SLC44A5: variants seen among roughly 807,000 people sequenced by gnomAD.
The protein encoded by SLC44A5 is solute carrier family 44 member 5.
SLC44A5 carries 57 observed loss-of-function variants against 101.8 expected under a neutral mutation model. The observed-to-expected ratio is 0.56, with a 90% CI of 0.45 to 0.70. SLC44A5 has a LOEUF of 0.70. Ranked by LOEUF, SLC44A5 falls within the 30% of genes least tolerant of loss-of-function variation. The pLI is 0.00. For missense variants in SLC44A5, 737 were observed against 853.1 expected, an observed-to-expected ratio of 0.86 and a Z score of 1.70; for synonymous variants, 281 against 290.9, an observed-to-expected ratio of 0.97 and a Z score of 0.35.
At chr1:75,252,737 A>G (rs1057341545) in intron 6 of SLC44A5, among the ~76,000 whole-genome samples, 1 of 152,188 alleles carries the variant, frequency 6.6e-6, no homozygotes, top group Non-Finnish European at 1.5e-5. Flanking sequence ...TGAGACCCAA[A>G]GAGACCACAA....
At chr1:75,564,154 A>G (rs1283703460) in intron 1 of SLC44A5, among the ~76,000 whole-genome samples, 1 of 152,184 alleles carries the variant, frequency 6.6e-6, no homozygotes, top group Non-Finnish European at 1.5e-5. Flanking sequence ...TATGCTGATC[A>G]ATATCAAATG....
intron 1 of SLC44A5, among the ~76,000 whole-genome samples, chr1:75,585,629 A>C (rs1673948260): frequency 6.6e-6 from 1 of 152,214 alleles, no homozygotes; most frequent in Non-Finnish European, 1.5e-5. Flanking sequence ...TGTGAGGATT[A>C]AATGAGACAA....
At chr1:75,569,238 C>CTTTTT (rs566440021) in intron 1 of SLC44A5, among the ~76,000 whole-genome samples, 4 of 112,880 alleles carry the variant, frequency 3.5e-5, no homozygotes, top group East Asian at 2.2e-4. Context: ...TCATCTCTAC[C>CTTTTT]TTTTTTTTTT....
At chr1:75,258,531 GGACTTACA>G (rs1220387607) in intron 6 of SLC44A5, among the ~76,000 whole-genome samples, 2 of 152,120 alleles carry the variant, frequency 1.3e-5, no homozygotes, top group East Asian at 3.9e-4. Flanking sequence ...CCCCAGTCAG[GGACTTACA>G]GATAAAACCC....
chr1:75,203,811 A>C lies in SLC44A5; in HGVS notation c.2070T>G (p.Asp690Glu). The change falls in exon 24 of 24, where the codon GAT (aspartate) becomes GAG (glutamate). Residue 690 changes from aspartate to glutamate, a missense_variant. Around this residue, in one of 3 missense-constraint regions of SLC44A5, gnomAD observed 61 missense variants for 56.5 expected, o/e 1.08. Transcript: ENST00000370859. ...CATAATAAGGTCTTGCAGTAGAACC[A>C]TCATTTCTTTCTAAATCTTCCACTA... Reference protein sequence around the residue: ...ICFLEDLERNDGSTARPYYVS... With the variant: ...ICFLEDLERNEGSTARPYYVS... 5 of 1,549,098 alleles carry C rather than the reference A, an allele frequency of 3.2e-6. No individual in the cohort carries two copies. The highest frequency in any genetic ancestry group is 1.4e-5 in the African/African-American group (1 of 73,042).
chr1:75,421,092 A>G (rs1253558088), intron 2 of SLC44A5, among the ~76,000 whole-genome samples: 1 of 152,164 alleles, frequency 6.6e-6, no homozygotes, highest in African/African-American at 2.4e-5. Flanking sequence ...CAAATATATT[A>G]TAATATGGTC....
chr1:75,673,717 CAGAG>C, the SLC44A5 span, among the ~76,000 whole-genome samples: 1 of 152,044 alleles, frequency 6.6e-6, no homozygotes, highest in Non-Finnish European at 1.5e-5. Context: ...GAGCTCAGAA[CAGAG>C]AGACTCTGCT....
rs183702745 is a variant in SLC44A5 at position 75,475,047 on chromosome 1, C to T, written c.13+66388G>A. On this transcript the variant is annotated intron_variant, in intron 2 of 23. Coordinates refer to ENST00000370859, the MANE Select transcript of SLC44A5 (RefSeq NM_001130058.2). ...CGCCCCTGAGTTATTCACACATCAG[C>T]AGGAAGTGAAATGAGGAGCCTGAAT... 3.6e-4 allele frequency among the ~76,000 whole-genome samples: 55 copies of T among 152,322 alleles called. 1 individual carries two copies. The highest frequency in any genetic ancestry group is 1.3e-3 in the African/African-American group (55 of 41,566).
intron 1 of SLC44A5, among the ~76,000 whole-genome samples, chr1:75,578,889 T>C (rs1673524535): frequency 6.6e-6 from 1 of 152,184 alleles, no homozygotes. Flanking sequence ...ACACTGAAAA[T>C]ACATACAATT....
chr1:75,218,660 G>A lies in SLC44A5; in HGVS notation c.1359C>T (p.Ile453=). The A allele has an allele frequency of 6.2e-7, 1 of 1,613,790 alleles. No individual in the cohort carries two copies. The highest frequency in any genetic ancestry group is 8.5e-7 in the Non-Finnish European group (1 of 1,179,766). ...ATAAGTTGTATACATGGAAGGTAGG[G>A]ATGTACTGATGGTACAAGCTCTTTC... The part of the protein sequence containing the change: ...YGGKSLYHQY[I]PTFHVYNLFV... The change falls in exon 17 of 24, where the codon ATC becomes ATT. Residue 453 remains isoleucine, a synonymous_variant. Coordinates refer to ENST00000370859, the MANE Select transcript of SLC44A5 (RefSeq NM_001130058.2).
At chr1:75,618,546 G>C in the SLC44A5 span, among the ~76,000 whole-genome samples, 2,376 of 152,270 alleles carry the variant, frequency 0.016, 60 homozygotes, top group African/African-American at 0.054. Flanking sequence ...CTTAACAACA[G>C]AAATACATTC....
At chr1:75,303,628 T>C (rs1428359794) in intron 4 of SLC44A5, among the ~76,000 whole-genome samples, 1 of 152,226 alleles carries the variant, frequency 6.6e-6, no homozygotes, top group Non-Finnish European at 1.5e-5. Context: ...GGTTTTACAC[T>C]ATAATTTATT....
At chr1:75,718,447 G>A in the SLC44A5 span, among the ~76,000 whole-genome samples, 1 of 152,188 alleles carries the variant, frequency 6.6e-6, no homozygotes, top group Non-Finnish European at 1.5e-5. Flanking sequence ...AGGCATTTCT[G>A]CCTTGGAATG....
At chr1:75,398,319 C>G (rs6691590) in intron 2 of SLC44A5, 436,161 of 945,666 alleles carry the variant, frequency 0.46, 104,955 homozygotes, top group Non-Finnish European at 0.49. Flanking sequence ...CCAATTTTCT[C>G]CAGCTCCCTC....
chr1:75,580,845 AAAAC>A (rs1673650697), intron 1 of SLC44A5, among the ~76,000 whole-genome samples: 2 of 151,678 alleles, frequency 1.3e-5, no homozygotes, highest in African/African-American at 2.4e-5. Flanking sequence ...CTCAAAAAAA[AAAAC>A]AAAGAAAAAG....
At chr1:75,313,323 C>A (rs1308586534) in intron 4 of SLC44A5, among the ~76,000 whole-genome samples, 2 of 152,234 alleles carry the variant, frequency 1.3e-5, no homozygotes, top group Non-Finnish European at 2.9e-5. Context: ...TGGATCATTT[C>A]AGCACCAGAT....
Position 75,236,968 on chromosome 1 carries a change from T to G in SLC44A5, c.740+19A>C, listed in dbSNP as rs1482995224. On this transcript the variant is annotated intron_variant, in intron 11 of 23. Coordinates refer to ENST00000370859, the MANE Select transcript of SLC44A5 (RefSeq NM_001130058.2). Reference sequence around the variant, plus strand: ...TCAGAATGGGGCTGGAGAAGAAACATCTATGTGTTTTCACTTACATGAGAA... The same window carrying G: ...TCAGAATGGGGCTGGAGAAGAAACAGCTATGTGTTTTCACTTACATGAGAA... 1.5e-6 allele frequency: 2 copies of G among 1,368,066 alleles called. No individual in the cohort carries two copies. Among genetic ancestry groups the G allele is most frequent in the Non-Finnish European group, 2.1e-6 (2 of 964,016 alleles). 84.7% of individuals were successfully genotyped at this position (1,368,066 alleles called of 1,614,324 possible). A position where few individuals can be genotyped will look rare whatever the true frequency, so the allele number is the denominator to read the frequency against.
the SLC44A5 span, among the ~76,000 whole-genome samples, chr1:75,680,347 A>T: frequency 6.6e-6 from 1 of 152,106 alleles, no homozygotes; most frequent in Non-Finnish European, 1.5e-5. Flanking sequence ...TCCAAAATTG[A>T]CCACATACTT....
intron 3 of SLC44A5, among the ~76,000 whole-genome samples, chr1:75,384,332 C>G (rs915906837): frequency 3.4e-5 from 5 of 148,398 alleles, no homozygotes; most frequent in Non-Finnish European, 7.5e-5. Flanking sequence ...CAGAGACACA[C>G]ATAGGCTCAA....
Sources: allele counts gnomAD v4.1 joint callset (sites outside exome capture counted in the v4.1 genomes callset), GRCh38; gene constraint gnomAD v4.1.1; regional missense constraint gnomAD v4.1.1; transcripts MANE v1.5; gene names NCBI Gene and HGNC (gene_info 2026-07-23, HGNC 2026-07-21).